Variants in METTL15 observed in about 807,000 individuals in gnomAD.
METTL15 encodes the protein 12S rRNA N(4)-cytidine methyltransferase METTL15.
A neutral mutation model predicts 38.3 loss-of-function variants in METTL15; 34 were observed. That is an observed-to-expected ratio of 0.89 (90% confidence interval 0.68 to 1.18). The LOEUF is 1.18. Ranked by LOEUF, METTL15 falls within the 50% of genes most tolerant of loss-of-function variation. METTL15 has a pLI of 0.00. For missense variants in METTL15, 438 were observed against 498.4 expected (o/e 0.88, Z 1.15); for synonymous variants, 162 against 170.9 (o/e 0.95, Z 0.41).
At chr11:28,337,099 C>T (rs912152254), downstream of METTL15, among the ~76,000 whole-genome samples, 2 of 151,932 alleles carry the variant, frequency 1.3e-5, no homozygotes, top group African/African-American at 4.8e-5. Flanking sequence ...AAAATTAATA[C>T]AAAAAATATA....
intron 2 of METTL15, among the ~76,000 whole-genome samples, chr11:28,112,950 A>C (rs1851778258): frequency 1.3e-5 from 2 of 152,198 alleles, no homozygotes; most frequent in Admixed American, 6.5e-5. Context: ...TCAAATAAAC[A>C]GTTTTAATTC....
intron 6 of METTL15, among the ~76,000 whole-genome samples, chr11:28,515,592 G>T (rs963744615): frequency 6.6e-6 from 1 of 152,110 alleles, no homozygotes; most frequent in Non-Finnish European, 1.5e-5. Flanking sequence ...CCAAATACTT[G>T]TTTATGTATT....
chr11:28,354,475 G>A (rs901054130), intron 4 of METTL15, among the ~76,000 whole-genome samples: 2 of 152,086 alleles, frequency 1.3e-5, no homozygotes, highest in African/African-American at 4.8e-5. Context: ...ATTGGATGTC[G>A]TTTTAGATTT....
intron 4 of METTL15, among the ~76,000 whole-genome samples, chr11:28,216,245 T>G (rs1852864433): frequency 6.6e-6 from 1 of 151,950 alleles, no homozygotes; most frequent in Non-Finnish European, 1.5e-5. Context: ...CACTATAAAA[T>G]CACTGTAATG....
intron 4 of METTL15, among the ~76,000 whole-genome samples, chr11:28,289,835 G>A (rs1351760767): frequency 2.0e-5 from 3 of 152,094 alleles, no homozygotes; most frequent in South Asian, 2.1e-4. Context: ...TGGCTTACTC[G>A]TTATTCTTTT....
chr11:28,498,041 G>A (rs1851550315), intron 6 of METTL15, among the ~76,000 whole-genome samples: 1 of 85,288 alleles, frequency 1.2e-5, no homozygotes, highest in Admixed American at 1.5e-4. Context: ...ACAACAGAGA[G>A]AGACTGTTTC....
chr11:28,227,958 A>G (rs1272602730), intron 4 of METTL15, among the ~76,000 whole-genome samples: 4 of 151,938 alleles, frequency 2.6e-5, no homozygotes, highest in Non-Finnish European at 5.9e-5. Context: ...AATTAAAACA[A>G]TTTATTCCAA....
Position 28,251,779 on chromosome 11 carries a change from C to G in METTL15, c.408-38427C>G, listed in dbSNP as rs1381524192. Among the ~76,000 whole-genome samples, 3 of 151,732 alleles carry G rather than the reference C, an allele frequency of 2.0e-5. No homozygotes were observed. In the Admixed American group the frequency reaches 2.0e-4, roughly 10 times the overall value. The stretch of plus-strand genomic sequence containing the variant: ...GTCATCATTTCCTGTACCACTTGAT[C>G]CCTTAAAAAAATAAGTGCACTATTC... On this transcript the variant is annotated intron_variant, in intron 4 of 6. Coordinates refer to ENST00000407364, the MANE Select transcript of METTL15 (RefSeq NM_001113528.2).
At chr11:28,339,875 G>A (rs562850991) in intron 3 of METTL15, among the ~76,000 whole-genome samples, 2 of 152,108 alleles carry the variant, frequency 1.3e-5, no homozygotes, top group Non-Finnish European at 2.9e-5. Flanking sequence ...GGAACTATTC[G>A]ATGATAAAAT....
intron 3 of METTL15, among the ~76,000 whole-genome samples, chr11:28,115,264 C>CTT (rs567519935): frequency 6.8e-6 from 1 of 146,410 alleles, no homozygotes; most frequent in African/African-American, 2.5e-5. Context: ...TTCTCGTTTT[C>CTT]TTTTTTTTTT....
chr11:28,451,589 AAAAAAG>A (rs1212972931), intron 6 of METTL15, among the ~76,000 whole-genome samples: 1 of 152,208 alleles, frequency 6.6e-6, no homozygotes, highest in African/African-American at 2.4e-5. Flanking sequence ...CGTCTCAAAA[AAAAAAG>A]AAAAAGAAAA....
At chr11:28,361,241 T>C (rs1203140862) in intron 4 of METTL15, among the ~76,000 whole-genome samples, 1 of 150,934 alleles carries the variant, frequency 6.6e-6, no homozygotes, top group Non-Finnish European at 1.5e-5. Flanking sequence ...CCACACTGAC[T>C]TCCACAATGG....
At chr11:28,112,533 T>C (rs951725765) in intron 2 of METTL15, among the ~76,000 whole-genome samples, 3 of 152,194 alleles carry the variant, frequency 2.0e-5, no homozygotes, top group Non-Finnish European at 4.4e-5. Flanking sequence ...AAATCCTTTT[T>C]TTCTTCTGCA....
At chr11:28,341,260 G>A (rs1442968446) in intron 3 of METTL15, among the ~76,000 whole-genome samples, 3 of 152,088 alleles carry the variant, frequency 2.0e-5, no homozygotes, top group Admixed American at 1.3e-4. Flanking sequence ...CATGGCACGT[G>A]TATACCTATG....
At chr11:28,429,141 T>C (rs1442940202) in intron 6 of METTL15, among the ~76,000 whole-genome samples, 2 of 152,140 alleles carry the variant, frequency 1.3e-5, no homozygotes, top group African/African-American at 2.4e-5. Context: ...TTTTGTGTAA[T>C]AGGTTTCTCA....
chr11:28,339,737 A>G (rs1330722782), intron 3 of METTL15, among the ~76,000 whole-genome samples: 2 of 152,118 alleles, frequency 1.3e-5, no homozygotes, highest in Non-Finnish European at 2.9e-5. Flanking sequence ...ACTTTCTAGG[A>G]ACAGCATAGT....
Position 28,290,358 on chromosome 11 carries a change from G to A in METTL15, c.560G>A (p.Arg187Gln), listed in dbSNP as rs763204903. ...LDTPERGFSLRKDGPLDMRMD... is the reference protein window; with the variant it reads ...LDTPERGFSLQKDGPLDMRMD... ...ACTCCTGAAAGAGGTTTTTCCCTTC[G>A]GAAAGATGGCCCTTTGGACATGAGA... Residue 187 changes from arginine (R) to glutamine (Q), a missense_variant, in exon 5 of 7, where the codon CGG becomes CAG. Transcript: ENST00000407364. The A allele has an allele frequency of 3.5e-5, 57 of 1,612,820 alleles. No homozygotes were observed. The Admixed American group carries it at 8.2e-4, about 23-fold the overall frequency.
intron 4 of METTL15, among the ~76,000 whole-genome samples, chr11:28,225,307 C>T (rs777099410): frequency 2.0e-5 from 3 of 151,682 alleles, no homozygotes; most frequent in African/African-American, 7.3e-5. Context: ...TTCCATTTTG[C>T]GTTCCTTATG....
At chr11:28,197,006 T>A (rs1851933154) in intron 3 of METTL15, among the ~76,000 whole-genome samples, 2 of 152,062 alleles carry the variant, frequency 1.3e-5, no homozygotes, top group Non-Finnish European at 2.9e-5. Flanking sequence ...GAAAGAAAAG[T>A]AATATTTACA....
Sources: allele counts gnomAD v4.1 joint callset (sites outside exome capture counted in the v4.1 genomes callset), GRCh38; gene constraint gnomAD v4.1.1; transcripts MANE v1.5; gene names NCBI Gene and HGNC (gene_info 2026-07-23, HGNC 2026-07-21).